The following ROBO2 variants were observed in gnomAD, a reference collection of about 807,000 sequenced individuals.
ROBO2 encodes roundabout homolog 2.
Under a neutral mutation model 160.8 loss-of-function variants are expected in ROBO2, and 53 were observed. The observed-to-expected ratio is 0.33, with a 90% CI of 0.26 to 0.41. The LOEUF (loss-of-function observed/expected upper bound fraction) is 0.41, where lower values mean the gene tolerates loss of function less well. Ranked by LOEUF, ROBO2 falls within the 10% of genes least tolerant of loss-of-function variation. The pLI, the probability that ROBO2 is intolerant of heterozygous loss-of-function variation, is 1.00. For missense variants in ROBO2, 1,577 were observed against 1,722.4 expected, an observed-to-expected ratio of 0.92 and a Z score of 1.49; for synonymous variants, 664 against 611.7, an observed-to-expected ratio of 1.09 and a Z score of -1.26.
intron 2 of ROBO2, among the ~76,000 whole-genome samples, chr3:76,012,076 T>C (rs529864182): frequency 6.6e-6 from 1 of 152,290 alleles, no homozygotes; most frequent in African/African-American, 2.4e-5. Flanking sequence ...ACAAGAAATG[T>C]GAATTCTTAA....
At chr3:76,781,251 T>C (rs2108609311) in intron 2 of ROBO2, among the ~76,000 whole-genome samples, 1 of 150,838 alleles carries the variant, frequency 6.6e-6, no homozygotes, top group South Asian at 2.1e-4. Context: ...ACTGAAACTC[T>C]ATGTTGCATT....
At chr3:76,328,720 C>T (rs144616576) in intron 2 of ROBO2, among the ~76,000 whole-genome samples, 9,872 of 151,642 alleles carry the variant, frequency 0.065, 882 homozygotes, top group African/African-American at 0.2. Context: ...ATTAGCTGGG[C>T]GTGGTGGCGG....
At chr3:76,525,226 A>G (rs1476702992) in intron 2 of ROBO2, among the ~76,000 whole-genome samples, 5 of 151,940 alleles carry the variant, frequency 3.3e-5, no homozygotes, top group Non-Finnish European at 7.4e-5. Flanking sequence ...AGTAAGTGAT[A>G]GACATTTTGG....
At chr3:75,949,861 C>T (rs1948470259) in intron 2 of ROBO2, among the ~76,000 whole-genome samples, 1 of 152,046 alleles carries the variant, frequency 6.6e-6, no homozygotes, top group Admixed American at 6.6e-5. Context: ...AATTCGTTAT[C>T]TGAACTTTAT....
chr3:75,965,619 A>G (rs1272986407), intron 2 of ROBO2, among the ~76,000 whole-genome samples: 1 of 12,130 alleles, frequency 8.2e-5, no homozygotes, highest in African/African-American at 1.2e-4. Flanking sequence ...GTATATTTTT[A>G]TTTTGTATAT....
At chr3:76,314,432 T>A (rs1366087514) in intron 2 of ROBO2, among the ~76,000 whole-genome samples, 39 of 152,066 alleles carry the variant, frequency 2.6e-4, no homozygotes, top group Non-Finnish European at 5.9e-5. Context: ...AAGTTATATA[T>A]AAATAGATAA....
intron 2 of ROBO2, among the ~76,000 whole-genome samples, chr3:76,766,812 G>C (rs1329883022): frequency 3.3e-5 from 5 of 151,512 alleles, no homozygotes; most frequent in African/African-American, 9.7e-5. Flanking sequence ...TGCCATTGCT[G>C]TCTGCTGGGT....
chr3:77,451,714 T>C (rs2081128549), intron 2 of ROBO2, among the ~76,000 whole-genome samples: 2 of 152,060 alleles, frequency 1.3e-5, no homozygotes, highest in Non-Finnish European at 2.9e-5. Context: ...CTTCTACTCT[T>C]TCTTTTTTTT....
chr3:77,293,010 G>T (rs1457145103), intron 2 of ROBO2, among the ~76,000 whole-genome samples: 2 of 151,674 alleles, frequency 1.3e-5, no homozygotes, highest in African/African-American at 4.8e-5. Flanking sequence ...GTAAGCTGAG[G>T]CTAGATCACC....
chr3:76,459,606 T>A (rs763014523), intron 2 of ROBO2, among the ~76,000 whole-genome samples: 20 of 152,332 alleles, frequency 1.3e-4, no homozygotes, highest in Non-Finnish European at 2.8e-4. Flanking sequence ...ATGGCTTTGT[T>A]ACTAAATGCC....
chr3:76,523,011 TA>T (rs1320669532), intron 2 of ROBO2, among the ~76,000 whole-genome samples: 1 of 148,058 alleles, frequency 6.8e-6, no homozygotes, highest in Non-Finnish European at 1.5e-5. Context: ...ACATATAAAA[TA>T]TATAATATAT....
intron 2 of ROBO2, among the ~76,000 whole-genome samples, chr3:76,392,261 A>G (rs571351591): frequency 1.3e-5 from 2 of 152,140 alleles, no homozygotes; most frequent in African/African-American, 4.8e-5. Flanking sequence ...TTGGATAACA[A>G]TCTCTGGGGT....
At chr3:76,938,831 C>T (rs760222968) in intron 2 of ROBO2, among the ~76,000 whole-genome samples, 4 of 151,892 alleles carry the variant, frequency 2.6e-5, no homozygotes, top group Non-Finnish European at 5.9e-5. Flanking sequence ...ATTAGCCGGG[C>T]GTGGTGGCGC....
At chr3:77,225,864 T>C (rs543369359) in intron 2 of ROBO2, among the ~76,000 whole-genome samples, 1 of 152,126 alleles carries the variant, frequency 6.6e-6, no homozygotes, top group South Asian at 2.1e-4. Context: ...TACATATGAC[T>C]TCCTGCTATG....
chr3:77,158,314 T>C (rs1188664356), intron 2 of ROBO2, among the ~76,000 whole-genome samples: 3 of 152,050 alleles, frequency 2.0e-5, no homozygotes, highest in African/African-American at 7.2e-5. Context: ...GCCCCTGTTA[T>C]TAATGTTTGA....
intron 2 of ROBO2, among the ~76,000 whole-genome samples, chr3:76,325,074 C>T (rs2072899781): frequency 6.6e-6 from 1 of 152,252 alleles, no homozygotes; most frequent in Middle Eastern, 3.2e-3. Context: ...CACTGCACTC[C>T]AGCCTGCGTG....
chr3:77,519,516 T>C (rs996101292), intron 5 of ROBO2, among the ~76,000 whole-genome samples: 3 of 151,300 alleles, frequency 2.0e-5, no homozygotes, highest in Non-Finnish European at 4.4e-5. Flanking sequence ...TCCTTCTCTC[T>C]TTCCTCTAGT....
At chr3:76,144,824 A>G (rs979448283) in intron 2 of ROBO2, among the ~76,000 whole-genome samples, 2 of 151,966 alleles carry the variant, frequency 1.3e-5, no homozygotes, top group Non-Finnish European at 2.9e-5. Context: ...ATTTTCCTGA[A>G]AAGAGTTCCA....
chr3:76,139,915 T>C (rs2071568059), intron 2 of ROBO2, among the ~76,000 whole-genome samples: 1 of 152,078 alleles, frequency 6.6e-6, no homozygotes. Context: ...TCGGAGCTTA[T>C]CATGAAACTA....
Sources: gnomAD v4.1 joint callset for allele counts (sites outside exome capture counted in the v4.1 genomes callset) on GRCh38, gnomAD v4.1.1 for gene constraint, MANE v1.5 for transcripts, NCBI Gene and HGNC (gene_info 2026-07-23, HGNC 2026-07-21) for gene names.